Variants in MOGAT1 observed in about 807,000 individuals in gnomAD.
The protein encoded by MOGAT1 is monoacylglycerol O-acyltransferase 1.
MOGAT1 carries 32 observed loss-of-function variants against 31.4 expected under a neutral mutation model. The ratio of observed to expected loss-of-function variants is 1.02; its 90% CI spans 0.77 to 1.37. MOGAT1 has a LOEUF of 1.37. Among genes scored for constraint, MOGAT1 ranks in the 40% most tolerant of loss-of-function variants. The pLI is 0.00. For synonymous variants in MOGAT1, 145 were observed against 144.5 expected, an observed-to-expected ratio of 1.00 and a Z score of -0.03; for missense variants, 426 against 402.0, an observed-to-expected ratio of 1.06 and a Z score of -0.51.
At chr2:222,674,879 C>G (rs574158799) in intron 1 of MOGAT1, among the ~76,000 whole-genome samples, 47 of 152,216 alleles carry the variant, frequency 3.1e-4, no homozygotes, top group African/African-American at 9.9e-4. Context: ...TTATGTTGCC[C>G]TGGCTGGTCT....
chr2:222,686,727 A>G (rs916969743), intron 1 of MOGAT1, among the ~76,000 whole-genome samples: 1 of 152,190 alleles, frequency 6.6e-6, no homozygotes, highest in African/African-American at 2.4e-5. Context: ...CCAGTCTTTC[A>G]ACCTTTAACC....
chr2:222,687,410 A>C (rs1470291722), intron 1 of MOGAT1, among the ~76,000 whole-genome samples: 1 of 152,174 alleles, frequency 6.6e-6, no homozygotes, highest in Non-Finnish European at 1.5e-5. Flanking sequence ...GCTGACATTT[A>C]GTGAAGATTT....
intron 5 of MOGAT1, among the ~76,000 whole-genome samples, chr2:222,695,910 C>T (rs183355637): frequency 6.6e-6 from 1 of 152,162 alleles, no homozygotes; most frequent in Admixed American, 6.5e-5. Context: ...TTATCCCTCA[C>T]CCCTCTTCCA....
chr2:222,671,903 G>A (rs1373073999), intron 1 of MOGAT1, 24 bp downstream of exon 1: 4 of 1,534,898 alleles, frequency 2.6e-6, no homozygotes, highest in Admixed American at 3.9e-5. Context: ...CCCCCGGGCC[G>A]CGGGGCTTGG....
At chr2:222,698,201 G>A (rs1447874175) in intron 5 of MOGAT1, among the ~76,000 whole-genome samples, 1 of 152,294 alleles carries the variant, frequency 6.6e-6, no homozygotes, top group Middle Eastern at 3.4e-3. Context: ...GGGAGTAATT[G>A]CTAACTTCTC....
intron 1 of MOGAT1, among the ~76,000 whole-genome samples, chr2:222,684,611 C>T (rs1356828761): frequency 6.6e-6 from 1 of 152,036 alleles, no homozygotes; most frequent in Non-Finnish European, 1.5e-5. Context: ...GAGTCTTGCC[C>T]TGTCACCCGG....
intron 5 of MOGAT1, among the ~76,000 whole-genome samples, chr2:222,702,868 CTAAG>C (rs765500240): frequency 2.7e-4 from 41 of 149,478 alleles, no homozygotes; most frequent in Admixed American, 1.0e-3. Flanking sequence ...AAAAAACTGA[CTAAG>C]TAAGGGATTT....
intron 3 of MOGAT1, among the ~76,000 whole-genome samples, chr2:222,689,804 G>A (rs1359707366): frequency 6.6e-6 from 1 of 152,216 alleles, no homozygotes; most frequent in East Asian, 1.9e-4. Context: ...CAGGGATCAA[G>A]TAAGTGACAA....
intron 5 of MOGAT1, among the ~76,000 whole-genome samples, chr2:222,708,213 A>G (rs921260021): frequency 6.6e-6 from 1 of 152,084 alleles, no homozygotes; most frequent in Non-Finnish European, 1.5e-5. Flanking sequence ...CCTCCCGGGT[A>G]GCTGGGATTA....
intron 5 of MOGAT1, among the ~76,000 whole-genome samples, chr2:222,700,884 T>C (rs1692908106): frequency 6.6e-6 from 1 of 152,246 alleles, no homozygotes; most frequent in South Asian, 2.1e-4. Flanking sequence ...GAATTCTCCC[T>C]GTCCTACCCC....
chr2:222,690,662 T>C (rs1282411302), intron 3 of MOGAT1, among the ~76,000 whole-genome samples: 2 of 152,216 alleles, frequency 1.3e-5, no homozygotes, highest in Non-Finnish European at 2.9e-5. Context: ...TGGTAGCATA[T>C]CACTAAGCAC....
rs939654741 is a variant in MOGAT1, at chr2:222,676,151, T to A, written c.94+4272T>A. Among the ~76,000 whole-genome samples, 12 of 121,550 alleles carry A rather than the reference T, an allele frequency of 9.9e-5. No individual in the cohort carries two copies. The Admixed American group carries it at 1.0e-3, about 10-fold the overall frequency. 79.7% of individuals were successfully genotyped at this position (121,550 alleles called of 152,430 possible). The stretch of plus-strand genomic sequence containing the variant: ...CCTTCCCAAGCAACCACTGATCTCC[T>A]TTTTTTTTTTTTTTAAATACAGACG... On this transcript the variant is annotated intron_variant, in intron 1 of 5. Transcript: ENST00000446656.
chr2:222,702,809 A>G (rs528190121), intron 5 of MOGAT1, among the ~76,000 whole-genome samples: 2 of 151,668 alleles, frequency 1.3e-5, no homozygotes, highest in Admixed American at 1.3e-4. Context: ...GGGCAACAGA[A>G]CAAGACTTTG....
intron 1 of MOGAT1, among the ~76,000 whole-genome samples, chr2:222,682,762 T>C (rs1011599585): frequency 5.3e-5 from 8 of 152,184 alleles, no homozygotes; most frequent in Admixed American, 2.6e-4. Flanking sequence ...AGGAATGAAG[T>C]ACTGATGCAT....
At chr2:222,695,897 C>A (rs1346925888) in intron 5 of MOGAT1, among the ~76,000 whole-genome samples, 2 of 152,100 alleles carry the variant, frequency 1.3e-5, no homozygotes, top group African/African-American at 2.4e-5. Flanking sequence ...AATATGTAGT[C>A]TTTTATCCCT....
chr2:222,688,235 C>A, intron 1 of MOGAT1, 109 bp from the exon 2 acceptor site: 1 of 771,944 alleles, frequency 1.3e-6, no homozygotes, highest in Non-Finnish European at 2.0e-6. Context: ...CTTACCTGAA[C>A]TGAGGCTCAG....
intron 1 of MOGAT1, among the ~76,000 whole-genome samples, chr2:222,677,513 T>C (rs116661281): frequency 3.4e-3 from 522 of 152,332 alleles, no homozygotes; most frequent in African/African-American, 0.012. Context: ...ATGACTGTTA[T>C]ATTAGCTTCA....
At chr2:222,682,403 T>G (rs1461953691) in intron 1 of MOGAT1, among the ~76,000 whole-genome samples, 1 of 152,232 alleles carries the variant, frequency 6.6e-6, no homozygotes, top group African/African-American at 2.4e-5. Context: ...CTTTAATTTG[T>G]TTTTAAAGCT....
chr2:222,695,001 A>G lies in MOGAT1; in HGVS notation c.654-88A>G, dbSNP rs371554697. On this transcript the variant is annotated intron_variant, in intron 4 of 5. Coordinates refer to ENST00000446656, the MANE Select transcript of MOGAT1 (RefSeq NM_058165.3). ...CTTGGGCACATTTAAAAAATTTTTC[A>G]GAAGTTGTTGCAAGAGTCAGCTAAA... 1.0e-3 allele frequency: 1,100 copies of G among 1,054,494 alleles called. 6 individuals are homozygous for G. The African/African-American group carries it at 0.016, about 16-fold the overall frequency. 65.3% of individuals were successfully genotyped at this position (1,054,494 alleles called of 1,614,324 possible).
Sources: gnomAD v4.1 joint callset for allele counts (sites outside exome capture counted in the v4.1 genomes callset) on GRCh38, gnomAD v4.1.1 for gene constraint, MANE v1.5 for transcripts, NCBI Gene and HGNC (gene_info 2026-07-23, HGNC 2026-07-21) for gene names.